CACNA2D4: variants seen among roughly 807,000 people sequenced by gnomAD.
The protein encoded by CACNA2D4 is voltage-dependent calcium channel subunit alpha-2/delta-4.
In CACNA2D4, 157 loss-of-function variants were observed where a neutral mutation model predicts 163.8. The observed-to-expected ratio is 0.96, with a 90% CI of 0.84 to 1.09. The LOEUF (loss-of-function observed/expected upper bound fraction) is 1.09, where lower values mean the gene tolerates loss of function less well. Among genes scored for constraint, CACNA2D4 ranks in the 50% least tolerant of loss-of-function variants. The pLI is 0.00. For synonymous variants in CACNA2D4, 598 were observed against 586.9 expected (o/e 1.02, Z -0.27); for missense variants, 1,410 against 1,479.9 (o/e 0.95, Z 0.78).
rs201031971 is a variant in CACNA2D4, at chr12:1,885,325, G to GT, written c.1069-250dup. 7.4e-3 allele frequency among the ~76,000 whole-genome samples: 1,123 copies of GT among 152,324 alleles called. 6 individuals are homozygous for GT. The highest frequency in any genetic ancestry group is 0.026 in the African/African-American group (1,090 of 41,572). ...GGCCACTATTGATGGGAAACGCCAAGTGTGAAGCTGAGTACAGGGGGAGGA... is the reference window on the plus strand; with the variant it reads ...GGCCACTATTGATGGGAAACGCCAAGTTGTGAAGCTGAGTACAGGGGGAGGA... On this transcript the variant is annotated intron_variant, in intron 9 of 37. Transcript: ENST00000382722.
At position 1,879,032 on chromosome 12, in the gene CACNA2D4, G is replaced by A. The variant is rs1373114127; in HGVS notation, c.1568C>T (p.Ser523Phe). Residue 523 changes from serine (S) to phenylalanine (F), a missense_variant, in exon 15 of 38, where the codon TCC becomes TTC. By Grantham distance (155) the Ser-to-Phe change is radical. Coordinates refer to ENST00000382722, the MANE Select transcript of CACNA2D4 (RefSeq NM_172364.5). Reference sequence around the variant, plus strand: ...CACCACACCCAGGAGAATGCCATGGGATCGCTGGAAGGAAAGACACAAGGG... The same window carrying A: ...CACCACACCCAGGAGAATGCCATGGAATCGCTGGAAGGAAAGACACAAGGG... The part of the protein sequence containing the change: ...PVFSKKNETR[S>F]HGILLGVVGS... 2 of 1,613,712 alleles carry A rather than the reference G, an allele frequency of 1.2e-6. No individual in the cohort carries two copies. The highest frequency in any genetic ancestry group is 1.3e-5 in the African/African-American group (1 of 75,028).
chr12:1,885,862 G>A, intron 9 of CACNA2D4, 103 bp downstream of exon 9: 1 of 821,390 alleles, frequency 1.2e-6, no homozygotes, highest in Non-Finnish European at 2.0e-6. Context: ...CAGGTGCCAT[G>A]GGAATAAGCA....
At chr12:1,813,930 G>C (rs983945970) in intron 26 of CACNA2D4, among the ~76,000 whole-genome samples, 1 of 152,130 alleles carries the variant, frequency 6.6e-6, no homozygotes, top group Non-Finnish European at 1.5e-5. Context: ...CTAAGGTTGC[G>C]GGGACCCCTC....
At chr12:1,890,306 G>T (rs114279654) in intron 6 of CACNA2D4, among the ~76,000 whole-genome samples, 5 of 152,162 alleles carry the variant, frequency 3.3e-5, no homozygotes, top group Non-Finnish European at 7.4e-5. Flanking sequence ...ACCAGACTGC[G>T]TCCTGCCTGG....
Position 1,917,635 on chromosome 12 carries a change from C to T in CACNA2D4, c.227+612G>A, listed in dbSNP as rs1474159954. On this transcript the variant is annotated intron_variant, in intron 1 of 37. Transcript: ENST00000382722. The surrounding 1 kb of genome is among the most constrained non-coding windows in gnomAD (Gnocchi z 4.3). Reference sequence around the variant, plus strand: ...TACATGTACACCAAGGTGCACATGACTGATACCGGGTTCTTTCCTGGAGCC... The same window carrying T: ...TACATGTACACCAAGGTGCACATGATTGATACCGGGTTCTTTCCTGGAGCC... 1.3e-5 allele frequency among the ~76,000 whole-genome samples: 2 copies of T among 152,200 alleles called. No homozygotes were observed. The highest frequency in any genetic ancestry group is 6.5e-5 in the Admixed American group (1 of 15,278).
At chr12:1,803,027 G>A (rs573622078) in intron 29 of CACNA2D4, among the ~76,000 whole-genome samples, 4 of 152,344 alleles carry the variant, frequency 2.6e-5, no homozygotes, top group African/African-American at 9.6e-5. Flanking sequence ...TGATGGCCAC[G>A]TCAGGTTCTT....
rs1863031510 is a variant in CACNA2D4, at chr12:1,793,501, T to G, written c.*154A>C. 1.3e-5 allele frequency: 9 copies of G among 691,522 alleles called. No homozygotes were observed. In the South Asian group the frequency reaches 1.3e-4, roughly 10 times the overall value. 42.8% of individuals were successfully genotyped at this position (691,522 alleles called of 1,614,324 possible). On this transcript the variant is annotated 3_prime_UTR_variant, in exon 38 of 38. Transcript: ENST00000382722. ...GATTGGTTTCCTGTTCCATCCAGCATTCTCCGGAGCCAGGGGCCACCAGCC... is the reference window on the plus strand; with the variant it reads ...GATTGGTTTCCTGTTCCATCCAGCAGTCTCCGGAGCCAGGGGCCACCAGCC...
At position 1,820,246 on chromosome 12, in the gene CACNA2D4, C is replaced by CGGCGGGGCGGG. The variant is rs1555176997; in HGVS notation, c.2552-8524_2552-8523insCCCGCCCCGCC. On this transcript the variant is annotated intron_variant, in intron 26 of 37. Transcript: ENST00000382722. This position sits in a 1 kb window ranked among gnomAD's most constrained non-coding sequence, Gnocchi z 6.0. The stretch of plus-strand genomic sequence containing the variant: ...GAGAGGCACAGAAGACAGGTGCAGC[C>CGGCGGGGCGGG]GGGGGGGTGAGGGAGAGCCTGGAGG... The CGGCGGGGCGGG allele has an allele frequency of 7.3e-5, 11 of 150,966 alleles. No homozygotes were observed. The highest frequency in any genetic ancestry group is 2.7e-4 in the African/African-American group (11 of 40,328). The allele number at this position is 150,966 out of a possible 1,614,324, so 9.4% of individuals were successfully genotyped here.
In CACNA2D4 at chr12:1,800,027, C is replaced by A; in HGVS notation, c.2947G>T (p.Gly983Cys). 1.2e-6 allele frequency: 2 copies of A among 1,604,774 alleles called. No individual in the cohort carries two copies. The highest frequency in any genetic ancestry group is 2.3e-5 in the East Asian group (1 of 44,320). ...TCGGCCCCTCTGTCGTACCAGGAGC[C>A]CCAGACACTCCACTCCAGCAGGAAC... ...VLFLLEWSVW[G>C]SWYDRGAEAK... Residue 983 changes from glycine (G) to cysteine (C), a missense_variant, in exon 33 of 38, where the codon GGC (glycine) becomes TGC (cysteine). Physicochemically the swap from Gly to Cys is radical, Grantham distance 159. Coordinates refer to ENST00000382722, the MANE Select transcript of CACNA2D4 (RefSeq NM_172364.5).
In CACNA2D4 at chr12:1,834,869, C is replaced by A. The variant is rs1157959477; in HGVS notation, c.2551+5870G>T. ...TCCAGCAGACAAGCCACACCGGGTT[C>A]TCTCCCTGCACTTTCGAGGCTCCCT... On this transcript the variant is annotated intron_variant, in intron 26 of 37. Transcript: ENST00000382722. This position sits in a 1 kb window ranked among gnomAD's most constrained non-coding sequence, Gnocchi z 7.6. 19 of 1,405,490 alleles carry A rather than the reference C, an allele frequency of 1.4e-5. No individual in the cohort carries two copies. The highest frequency in any genetic ancestry group is 1.8e-5 in the Non-Finnish European group (19 of 1,073,854). 87.1% of individuals were successfully genotyped at this position (1,405,490 alleles called of 1,614,324 possible).
In CACNA2D4 at chr12:1,858,627, G is replaced by A; in HGVS notation, c.1958C>T (p.Ser653Phe). ...DTPFSLGVVL[S>F]RGHGEYILLG... ...AAGGATGTATTCTCCGTGGCCCCGG[G>A]ACAGCACCACCCCCAAACTGTGGGG... The change falls in exon 20 of 38, where the codon TCC becomes TTC. Residue 653 changes from serine to phenylalanine, a missense_variant. Physicochemically the swap from Ser to Phe is radical, Grantham distance 155. Coordinates refer to ENST00000382722, the MANE Select transcript of CACNA2D4 (RefSeq NM_172364.5). 6.2e-7 allele frequency: 1 copy of A among 1,609,238 alleles called. No homozygotes were observed. Among genetic ancestry groups the A allele is most frequent in the Non-Finnish European group, 8.5e-7 (1 of 1,177,310 alleles).
intron 32 of CACNA2D4, 123 bp from the exon 33 acceptor site, chr12:1,800,175 G>T: frequency 9.4e-7 from 1 of 1,065,306 alleles, no homozygotes; most frequent in Non-Finnish European, 1.4e-6. Context: ...CCTCTTCCCT[G>T]CTTGAGGGCT....
intron 26 of CACNA2D4, chr12:1,822,017 C>G (rs890258406): frequency 6.6e-6 from 1 of 152,106 alleles, no homozygotes; most frequent in Non-Finnish European, 1.5e-5. Context: ...TAGGGAAACC[C>G]GACAGCAGCT....
chr12:1,864,827 T>A (rs796894888), intron 18 of CACNA2D4, among the ~76,000 whole-genome samples: 9 of 152,332 alleles, frequency 5.9e-5, no homozygotes, highest in African/African-American at 1.9e-4. Flanking sequence ...CTGCCCGCAA[T>A]GCTCGCAGGG....
chr12:1,856,238 A>C lies in CACNA2D4; in HGVS notation c.2009-9T>G. On this transcript the variant is annotated splice_polypyrimidine_tract_variant and intron_variant, in intron 20 of 37. Transcript: ENST00000382722. ...AAGCAAGTCATGCAGGCCTGAAACC[A>C]GAGTCCACATTCAGGGTGATGCTCC... The C allele has an allele frequency of 6.2e-7, 1 of 1,614,032 alleles. No individual in the cohort carries two copies. The highest frequency in any genetic ancestry group is 8.5e-7 in the Non-Finnish European group (1 of 1,179,882).
Position 1,833,975 on chromosome 12 carries a change from G to A in CACNA2D4, c.2551+6764C>T, listed in dbSNP as rs1161920229. The stretch of plus-strand genomic sequence containing the variant: ...CGTTTGGCCTGGGAGAGGACAGGCC[G>A]GATGGAAGTGGCTGCGTGCTTCTCT... On this transcript the variant is annotated intron_variant, in intron 26 of 37. Coordinates refer to ENST00000382722, the MANE Select transcript of CACNA2D4 (RefSeq NM_172364.5). The surrounding 1 kb of genome is among the most constrained non-coding windows in gnomAD (Gnocchi z 4.2). Among the ~76,000 whole-genome samples, 3 of 152,208 alleles carry A rather than the reference G, an allele frequency of 2.0e-5. No individual in the cohort carries two copies. Among genetic ancestry groups the A allele is most frequent in the Admixed American group, 6.5e-5 (1 of 15,288 alleles).
At chr12:1,887,713 A>C (rs562157193) in intron 6 of CACNA2D4, among the ~76,000 whole-genome samples, 1 of 152,222 alleles carries the variant, frequency 6.6e-6, no homozygotes, top group Non-Finnish European at 1.5e-5. Context: ...ATTTGTATAG[A>C]TGCACAGAAA....
chr12:1,911,113 T>A (rs139931869), intron 3 of CACNA2D4, among the ~76,000 whole-genome samples: 11 of 145,088 alleles, frequency 7.6e-5, no homozygotes, highest in African/African-American at 2.3e-4. Context: ...AACCCCCTCC[T>A]CCCAGGTTCA....
intron 18 of CACNA2D4, among the ~76,000 whole-genome samples, chr12:1,866,833 A>G (rs1865661779): frequency 1.4e-5 from 2 of 139,764 alleles, no homozygotes; most frequent in South Asian, 2.2e-4. Context: ...GGGTCTCCCT[A>G]TGTTGTCCAG....
Sources: allele counts gnomAD v4.1 joint callset (sites outside exome capture counted in the v4.1 genomes callset), GRCh38; gene constraint gnomAD v4.1.1; non-coding constraint Gnocchi (gnomAD v3.1); transcripts MANE v1.5; gene names NCBI Gene and HGNC (gene_info 2026-07-23, HGNC 2026-07-21).